PARVG: variants seen among roughly 807,000 people sequenced by gnomAD.
PARVG encodes the protein parvin gamma, also known as gamma-parvin.
A neutral mutation model predicts 44.4 loss-of-function variants in PARVG; 36 were observed. The observed-to-expected ratio is 0.81, with a 90% confidence interval of 0.62 to 1.07. PARVG has a LOEUF of 1.07. Among genes scored for constraint, PARVG ranks in the 50% least tolerant of loss-of-function variants. PARVG has a pLI of 0.00. For synonymous variants in PARVG, 170 were observed against 174.1 expected (o/e 0.98, Z 0.19); for missense variants, 407 against 407.4 (o/e 1.00, Z 0.01).
intron 13 of PARVG, 146 bp from the exon 14 acceptor site, chr22:44,206,171 C>T (rs1269147197): frequency 2.0e-5 from 13 of 664,152 alleles, no homozygotes; most frequent in Admixed American, 5.4e-5. Flanking sequence ...GGACCCAGGC[C>T]TGGAGTGACC....
chr22:44,200,105 G>T (rs929828070), intron 12 of PARVG, among the ~76,000 whole-genome samples: 1 of 152,180 alleles, frequency 6.6e-6, no homozygotes. Context: ...CCCCCGCCAG[G>T]CCCCTGTGGT....
chr22:44,183,504 T>A, intron 3 of PARVG, 96 bp downstream of exon 3: 5 of 1,222,382 alleles, frequency 4.1e-6, no homozygotes, highest in Non-Finnish European at 5.5e-6. Context: ...TTCCCAGCTG[T>A]CAGCTGAGCG....
chr22:44,177,009 A>G (rs1355931851), upstream of PARVG, among the ~76,000 whole-genome samples: 4 of 152,166 alleles, frequency 2.6e-5, no homozygotes, highest in Admixed American at 6.5e-5. Flanking sequence ...ACCTCCCACC[A>G]GGTCCCTCTC....
chr22:44,175,283 G>A (rs532463013), intron 1 of PARVG, among the ~76,000 whole-genome samples: 1 of 152,326 alleles, frequency 6.6e-6, no homozygotes, highest in South Asian at 2.1e-4. Flanking sequence ...TTTCCTGGTG[G>A]CCAGTCTCTG....
At chr22:44,185,551 C>T in intron 3 of PARVG, 1 of 384,866 alleles carries the variant, frequency 2.6e-6, no homozygotes, top group South Asian at 2.8e-5. Flanking sequence ...ATATATCAAA[C>T]ATAGGATACC....
At chr22:44,200,044 G>A (rs1022376668) in intron 12 of PARVG, among the ~76,000 whole-genome samples, 2 of 152,114 alleles carry the variant, frequency 1.3e-5, no homozygotes, top group Non-Finnish European at 2.9e-5. Flanking sequence ...AGCTCCCACC[G>A]CCTCTTCCCC....
chr22:44,187,495 A>G (rs1404956030), intron 4 of PARVG: 4 of 496,000 alleles, frequency 8.1e-6, no homozygotes, highest in Non-Finnish European at 1.5e-5. Context: ...GGTATTTGCT[A>G]TGGTAGTACC....
At chr22:44,181,406 G>A (rs1028836056) in intron 1 of PARVG, 1 of 985,306 alleles carries the variant, frequency 1.0e-6, no homozygotes, top group African/African-American at 1.7e-5. Context: ...GAGAGGAAGG[G>A]GCCTGGCCCG....
In PARVG at chr22:44,196,514, G is replaced by T. The variant is rs193233992; in HGVS notation, c.711+99G>T. On this transcript the variant is annotated intron_variant, in intron 11 of 13. Coordinates refer to ENST00000444313, the MANE Select transcript of PARVG (RefSeq NM_022141.7). ...CCCTGGGAACCTGCTGTGTGGTGGG[G>T]GTTGCATCACCTCTTGGAGCCTTAG... is the stretch of plus-strand genomic sequence containing the variant. 5.3e-4 allele frequency: 763 copies of T among 1,428,194 alleles called. 3 individuals are homozygous for T. The East Asian group carries it at 0.012, about 23-fold the overall frequency. 88.5% of individuals were successfully genotyped at this position (1,428,194 alleles called of 1,614,324 possible).
At chr22:44,173,119 G>A in exon 1 of PARVG, 1 of 1,289,194 alleles carries the variant, frequency 7.8e-7, no homozygotes, top group South Asian at 1.2e-5. Flanking sequence ...CCTTTGTGGG[G>A]GATGGGACTT....
chr22:44,191,971 G>A, intron 7 of PARVG, 78 bp from the exon 8 acceptor site: 1 of 1,504,866 alleles, frequency 6.6e-7, no homozygotes, highest in South Asian at 1.1e-5. Context: ...ATGATACAGA[G>A]CAAACGGATC....
At chr22:44,173,208 C>T (rs1844905534) in intron 1 of PARVG, 6 of 1,231,998 alleles carry the variant, frequency 4.9e-6, no homozygotes, top group African/African-American at 4.7e-5. Context: ...AATAAAGGCT[C>T]ATCTGCCCCT....
chr22:44,190,202 G>A (rs571257466), intron 6 of PARVG, among the ~76,000 whole-genome samples: 1 of 152,314 alleles, frequency 6.6e-6, no homozygotes, highest in South Asian at 2.1e-4. Context: ...AATCAACCCT[G>A]AATTAAGTCA....
chr22:44,197,846 A>G (rs954586169), intron 11 of PARVG, among the ~76,000 whole-genome samples: 1 of 152,162 alleles, frequency 6.6e-6, no homozygotes, highest in Non-Finnish European at 1.5e-5. Context: ...ATTATATTTT[A>G]TGTGGGTATA....
Position 44,182,528 on chromosome 22 carries a change from GT to G in PARVG, c.-13+612del, listed in dbSNP as rs1338333899. ...TGGCTCCAGTCGAGTGAATGCCTCC[GT>G]CTCCCACAGCTCAGGGGGCTCCCTG... On this transcript the variant is annotated intron_variant, in intron 2 of 13. Transcript: ENST00000444313. The surrounding 1 kb of genome is among the most constrained non-coding windows in gnomAD (Gnocchi z 4.6). 6.6e-6 allele frequency among the ~76,000 whole-genome samples: 1 copy of G among 152,176 alleles called. No individual in the cohort carries two copies. The highest frequency in any genetic ancestry group is 1.5e-5 in the Non-Finnish European group (1 of 68,026).
At chr22:44,202,421 G>T (rs139165) in intron 12 of PARVG, among the ~76,000 whole-genome samples, 42,980 of 152,208 alleles carry the variant, frequency 0.28, 7,276 homozygotes, top group Non-Finnish European at 0.39. Context: ...CCCCTGGGCT[G>T]CAGGGCCTCT....
intron 13 of PARVG, 67 bp from the exon 14 acceptor site, chr22:44,206,250 C>A: frequency 8.7e-7 from 1 of 1,144,854 alleles, no homozygotes; most frequent in Non-Finnish European, 1.3e-6. Flanking sequence ...AAACCTTGAC[C>A]ACATCGGGAC....
rs111236059 is a variant in PARVG at position 44,186,870 on chromosome 22, G to C, written c.145-906G>C. On this transcript the variant is annotated intron_variant, in intron 4 of 13. Transcript: ENST00000444313. ...AGTGCATTCCTGCCCAAGGGGCGAT[G>C]GAGCTGGGGTATTTATACACCACCA... The C allele has an allele frequency of 2.6e-3, 921 of 349,548 alleles. 6 individuals are homozygous for C. Among genetic ancestry groups the C allele is most frequent in the African/African-American group, 0.017 (790 of 46,844 alleles). 21.7% of individuals were successfully genotyped at this position (349,548 alleles called of 1,614,324 possible).
intron 9 of PARVG, among the ~76,000 whole-genome samples, chr22:44,194,866 C>T (rs1365607452): frequency 6.6e-6 from 1 of 152,010 alleles, no homozygotes; most frequent in Non-Finnish European, 1.5e-5. Context: ...TCCACCCACA[C>T]ACCTATCCAT....
Sources: gnomAD v4.1 joint callset for allele counts (sites outside exome capture counted in the v4.1 genomes callset) on GRCh38, gnomAD v4.1.1 for gene constraint, Gnocchi (gnomAD v3.1) non-coding constraint, MANE v1.5 for transcripts, NCBI Gene and HGNC (gene_info 2026-07-23, HGNC 2026-07-21) for gene names.